Variants in PTCHD4 observed in about 807,000 individuals in gnomAD.
The protein encoded by PTCHD4 is patched domain-containing protein 4.
PTCHD4 carries 33 observed loss-of-function variants against 58.1 expected under a neutral mutation model. That is an observed-to-expected ratio of 0.57 (90% CI 0.43 to 0.76). The LOEUF (loss-of-function observed/expected upper bound fraction) is 0.76, where lower values mean the gene tolerates loss of function less well. PTCHD4 is among the 30% of genes least tolerant of loss of function. PTCHD4 has a pLI of 0.00. For missense variants in PTCHD4, 1,058 were observed against 1,027.1 expected (o/e 1.03, Z -0.41); for synonymous variants, 478 against 409.6 (o/e 1.17, Z -2.02).
rs147745167 is a variant in PTCHD4 at position 47,863,811 on chromosome 6, A to G, written c.*14492T>C. On this transcript the variant is annotated 3_prime_UTR_variant, in exon 5 of 5. Transcript: ENST00000339488. The stretch of plus-strand genomic sequence containing the variant: ...TTTTCTTCATGAAAAGACTGTCCAG[A>G]GCAACTTATTACAAATAGAGATTAC... Among the ~76,000 whole-genome samples the G allele has an allele frequency of 9.7e-4, 147 of 152,098 alleles. 2 individuals are homozygous for G. The highest frequency in any genetic ancestry group is 6.8e-3 in the Middle Eastern group (2 of 294).
chr6:47,905,143 AGAT>A (rs758256691), intron 4 of PTCHD4, among the ~76,000 whole-genome samples: 235 of 152,068 alleles, frequency 1.5e-3, no homozygotes, highest in Non-Finnish European at 2.4e-3. Flanking sequence ...ACGTGGCTGG[AGAT>A]GATGAGTTGT....
intron 4 of PTCHD4, among the ~76,000 whole-genome samples, chr6:47,880,473 A>C (rs964730220): frequency 6.6e-6 from 1 of 152,188 alleles, no homozygotes. Context: ...CTTGGTGGCC[A>C]AATGGCTTAG....
chr6:47,941,911 C>A (rs1186978833), intron 4 of PTCHD4, among the ~76,000 whole-genome samples: 1 of 152,082 alleles, frequency 6.6e-6, no homozygotes, highest in South Asian at 2.1e-4. Context: ...CAGTGTCAAA[C>A]TAGGTACTGA....
At chr6:48,004,408 C>T in intron 4 of PTCHD4, among the ~76,000 whole-genome samples, 1 of 152,218 alleles carries the variant, frequency 6.6e-6, no homozygotes, top group South Asian at 2.1e-4. Context: ...CATAGAATAT[C>T]AGCAAAGCAC....
intron 3 of PTCHD4, among the ~76,000 whole-genome samples, chr6:48,050,395 C>T (rs1319873781): frequency 6.6e-6 from 1 of 151,884 alleles, no homozygotes; most frequent in African/African-American, 2.4e-5. Context: ...TCAAAAACAA[C>T]TTTAGATATA....
intron 4 of PTCHD4, chr6:47,901,567 C>T (rs1764705738): frequency 1.9e-6 from 2 of 1,036,022 alleles, no homozygotes; most frequent in Non-Finnish European, 2.3e-6. Flanking sequence ...ATAATGCTTC[C>T]ATATGATTTA....
intron 1 of PTCHD4, among the ~76,000 whole-genome samples, chr6:48,080,151 T>C (rs1765136488): frequency 6.6e-6 from 1 of 151,972 alleles, no homozygotes; most frequent in African/African-American, 2.4e-5. Flanking sequence ...TGATGTTAGA[T>C]AAAAAACTCA....
Position 47,910,419 on chromosome 6 carries a change from A to T in PTCHD4, c.899-30483T>A, listed in dbSNP as rs149350029. Among the ~76,000 whole-genome samples, 277 of 152,200 alleles carry T rather than the reference A, an allele frequency of 1.8e-3. 1 individual carries two copies. The highest frequency in any genetic ancestry group is 6.2e-3 in the African/African-American group (257 of 41,546). On this transcript the variant is annotated intron_variant, in intron 4 of 4. Transcript: ENST00000339488. Reference sequence around the variant, plus strand: ...TTACTTTGCATATTTCTGTTCATAAAATTAGAGCCTTATTTCTCATTGTGT... The same window carrying T: ...TTACTTTGCATATTTCTGTTCATAATATTAGAGCCTTATTTCTCATTGTGT...
At chr6:47,901,917 G>A (rs1321474044) in intron 4 of PTCHD4, 8 of 1,303,302 alleles carry the variant, frequency 6.1e-6, no homozygotes, top group Middle Eastern at 2.1e-4. Context: ...CTAGCTTGAG[G>A]TAAATTCAGT....
At chr6:47,919,013 G>A (rs927487576) in intron 4 of PTCHD4, among the ~76,000 whole-genome samples, 1 of 152,158 alleles carries the variant, frequency 6.6e-6, no homozygotes, top group African/African-American at 2.4e-5. Context: ...TGATAGCCAA[G>A]CAACGAGGTT....
intron 1 of PTCHD4, among the ~76,000 whole-genome samples, chr6:48,087,594 TCTAGGTAAA>T (rs1398903858): frequency 2.0e-5 from 3 of 152,200 alleles, no homozygotes; most frequent in Admixed American, 1.3e-4. Flanking sequence ...GTTACAGGGT[TCTAGGTAAA>T]CTAATTGAAG....
At chr6:48,075,294 G>A (rs1296266562) in intron 1 of PTCHD4, among the ~76,000 whole-genome samples, 1 of 152,126 alleles carries the variant, frequency 6.6e-6, no homozygotes, top group Non-Finnish European at 1.5e-5. Flanking sequence ...ATGTTTAACA[G>A]TGTAAAAAGA....
intron 4 of PTCHD4, among the ~76,000 whole-genome samples, chr6:47,946,948 A>G (rs1244971871): frequency 6.6e-6 from 1 of 152,076 alleles, no homozygotes; most frequent in African/African-American, 2.4e-5. Flanking sequence ...GGTTCAAGAA[A>G]TCCTCCCACT....
chr6:48,110,722 G>T (rs1765853607), intron 1 of PTCHD4, among the ~76,000 whole-genome samples: 1 of 148,274 alleles, frequency 6.7e-6, no homozygotes, highest in South Asian at 2.1e-4. Flanking sequence ...TTATTAGGTT[G>T]TTTGTTCTTA....
At chr6:48,035,201 C>G (rs892415192) in intron 3 of PTCHD4, among the ~76,000 whole-genome samples, 9 of 151,790 alleles carry the variant, frequency 5.9e-5, no homozygotes, top group African/African-American at 1.5e-4. Flanking sequence ...TATAATATAC[C>G]ATTGAAACAC....
At chr6:47,943,940 A>C (rs1365099595) in intron 4 of PTCHD4, among the ~76,000 whole-genome samples, 2 of 152,048 alleles carry the variant, frequency 1.3e-5, no homozygotes, top group African/African-American at 4.8e-5. Flanking sequence ...ATTTCTTTTT[A>C]AACACTTTTT....
At chr6:48,102,552 G>A (rs1582140787) in intron 1 of PTCHD4, among the ~76,000 whole-genome samples, 2 of 152,336 alleles carry the variant, frequency 1.3e-5, no homozygotes, top group South Asian at 2.1e-4. Context: ...GAAGACGGGT[G>A]ATTTCTGCAT....
intron 4 of PTCHD4, among the ~76,000 whole-genome samples, chr6:47,974,679 C>A (rs111460733): frequency 1.3e-4 from 20 of 152,214 alleles, no homozygotes; most frequent in African/African-American, 4.6e-4. Flanking sequence ...GAATGCTGTA[C>A]GAATATAAGA....
At chr6:47,998,103 C>A (rs1304639092) in intron 4 of PTCHD4, among the ~76,000 whole-genome samples, 3 of 152,152 alleles carry the variant, frequency 2.0e-5, no homozygotes, top group African/African-American at 7.2e-5. Flanking sequence ...TTGGCAATTG[C>A]AGCTGTCCTG....
Sources: gnomAD v4.1 joint callset for allele counts (sites outside exome capture counted in the v4.1 genomes callset) on GRCh38, gnomAD v4.1.1 for gene constraint, MANE v1.5 for transcripts, NCBI Gene and HGNC (gene_info 2026-07-23, HGNC 2026-07-21) for gene names.